The following CSMD1 variants were observed in gnomAD, a reference collection of about 807,000 sequenced individuals.
The protein encoded by CSMD1 is CUB and sushi domain-containing protein 1.
In CSMD1, 213 loss-of-function variants were observed where a neutral mutation model predicts 417.5. The observed-to-expected ratio is 0.51, with a 90% CI of 0.46 to 0.57. CSMD1 has a LOEUF of 0.57. Ranked by LOEUF, CSMD1 falls within the 20% of genes least tolerant of loss-of-function variation. The probability of loss-of-function intolerance (pLI) is 0.00; values close to 1 mark genes in which losing one functional copy is unlikely to be tolerated. For missense variants in CSMD1, 6,923 were observed against 4,529.7 expected (o/e 1.53, Z -15.17); for synonymous variants, 2,862 against 1,736.8 (o/e 1.65, Z -16.11).
At chr8:3,442,914 A>G (rs1204232740) in intron 12 of CSMD1, among the ~76,000 whole-genome samples, 2 of 151,750 alleles carry the variant, frequency 1.3e-5, no homozygotes, top group African/African-American at 4.8e-5. Context: ...TCCCCCATCT[A>G]TTTTCTGAGT....
rs191039329 is a variant in CSMD1, at chr8:4,945,429, T to A, written c.85+48903A>T. ...TATTATGTATATTTTTACCGCAATT[T>A]AAAAAAATACATCCCAGCATTTTGG... is the stretch of plus-strand genomic sequence containing the variant. On this transcript the variant is annotated intron_variant, in intron 1 of 69. Coordinates refer to ENST00000635120, the MANE Select transcript of CSMD1 (RefSeq NM_033225.6). 9.6e-4 allele frequency among the ~76,000 whole-genome samples: 145 copies of A among 151,688 alleles called. 2 individuals carry two copies. Among genetic ancestry groups the A allele is most frequent in the African/African-American group, 2.9e-3 (121 of 41,306 alleles).
At chr8:4,554,057 G>A (rs558328562) in intron 2 of CSMD1, among the ~76,000 whole-genome samples, 12 of 152,266 alleles carry the variant, frequency 7.9e-5, no homozygotes, top group East Asian at 7.7e-4. Context: ...CTGCTGTCTC[G>A]TCAGTACCAA....
chr8:3,625,805 A>C (rs1292572969), intron 7 of CSMD1, among the ~76,000 whole-genome samples: 1 of 152,148 alleles, frequency 6.6e-6, no homozygotes, highest in African/African-American at 2.4e-5. Flanking sequence ...TTTATTTTTA[A>C]CATCGCCTGC....
intron 18 of CSMD1, among the ~76,000 whole-genome samples, chr8:3,377,560 T>C (rs1810389917): frequency 1.3e-5 from 2 of 152,180 alleles, no homozygotes; most frequent in South Asian, 4.1e-4. Flanking sequence ...TGGCTCTTTT[T>C]GGTCTATTCC....
chr8:3,419,592 G>A (rs958841285), intron 12 of CSMD1, among the ~76,000 whole-genome samples: 4 of 152,112 alleles, frequency 2.6e-5, no homozygotes, highest in South Asian at 2.1e-4. Flanking sequence ...AAAATCCCAC[G>A]TCTGGCCAAT....
chr8:4,799,353 A>G (rs1798154153), intron 1 of CSMD1, among the ~76,000 whole-genome samples: 1 of 152,138 alleles, frequency 6.6e-6, no homozygotes, highest in Non-Finnish European at 1.5e-5. Context: ...TACAATGACG[A>G]GTAATTTTAG....
At chr8:3,419,197 T>G (rs1813335748) in intron 12 of CSMD1, among the ~76,000 whole-genome samples, 1 of 152,188 alleles carries the variant, frequency 6.6e-6, no homozygotes, top group Non-Finnish European at 1.5e-5. Context: ...AGTAACACAT[T>G]TCTGAGCACC....
At chr8:3,195,207 G>C (rs1265717912) in intron 33 of CSMD1, among the ~76,000 whole-genome samples, 1 of 152,150 alleles carries the variant, frequency 6.6e-6, no homozygotes, top group Non-Finnish European at 1.5e-5. Context: ...CAACATGAAG[G>C]TTTACTGAGA....
intron 25 of CSMD1, among the ~76,000 whole-genome samples, chr8:3,294,183 G>C (rs966080981): frequency 6.6e-6 from 1 of 152,134 alleles, no homozygotes; most frequent in Non-Finnish European, 1.5e-5. Flanking sequence ...TCATTCCTCT[G>C]GAAGTTTTGT....
intron 6 of CSMD1, among the ~76,000 whole-genome samples, chr8:3,743,043 C>G (rs1216954334): frequency 6.6e-6 from 1 of 152,192 alleles, no homozygotes. Flanking sequence ...TCTCACTTGA[C>G]CGCCATGGTC....
rs140298923 is a variant in CSMD1, at chr8:3,323,181, C to T, written c.3632-14678G>A. On this transcript the variant is annotated intron_variant, in intron 23 of 69. Coordinates refer to ENST00000635120, the MANE Select transcript of CSMD1 (RefSeq NM_033225.6). ...ATGTCCAATGGGCAACTTCTAACTT[C>T]GTGGGCATCTATAATCTATGGTTCA... 2.1e-3 allele frequency among the ~76,000 whole-genome samples: 315 copies of T among 152,300 alleles called. 1 individual carries two copies. Among genetic ancestry groups the T allele is most frequent in the African/African-American group, 7.0e-3 (290 of 41,552 alleles).
At chr8:3,536,574 T>G (rs185058690) in intron 10 of CSMD1, among the ~76,000 whole-genome samples, 97 of 152,318 alleles carry the variant, frequency 6.4e-4, no homozygotes, top group African/African-American at 2.3e-3. Context: ...AATTCAGTAC[T>G]TGGTAGTCAC....
intron 5 of CSMD1, among the ~76,000 whole-genome samples, chr8:3,931,656 T>C (rs899886479): frequency 6.7e-6 from 1 of 149,552 alleles, no homozygotes; most frequent in African/African-American, 2.5e-5. Flanking sequence ...TTTCACCTTG[T>C]ATAGTTCTAA....
chr8:3,238,411 G>A (rs144176356), intron 26 of CSMD1, among the ~76,000 whole-genome samples: 2 of 152,152 alleles, frequency 1.3e-5, no homozygotes, highest in African/African-American at 4.8e-5. Context: ...TGAAAGTCCT[G>A]TTTTCTTATA....
chr8:3,522,823 T>C (rs1206119106), intron 10 of CSMD1, among the ~76,000 whole-genome samples: 3 of 151,360 alleles, frequency 2.0e-5, no homozygotes, highest in Middle Eastern at 3.2e-3. Context: ...CGTATTTTAT[T>C]TGACATATAA....
At chr8:3,054,938 T>G (rs535830459) in intron 49 of CSMD1, among the ~76,000 whole-genome samples, 1 of 152,200 alleles carries the variant, frequency 6.6e-6, no homozygotes, top group African/African-American at 2.4e-5. Flanking sequence ...GACCCATCCT[T>G]TCTTTTCTGT....
At chr8:4,762,038 G>T (rs1472695070) in intron 1 of CSMD1, among the ~76,000 whole-genome samples, 1 of 151,816 alleles carries the variant, frequency 6.6e-6, no homozygotes, top group African/African-American at 2.4e-5. Context: ...TAAGACTCAG[G>T]ATACTGATTA....
intron 5 of CSMD1, among the ~76,000 whole-genome samples, chr8:3,985,236 T>A (rs1256532151): frequency 1.3e-5 from 2 of 152,174 alleles, no homozygotes; most frequent in African/African-American, 2.4e-5. Context: ...GGTTATAAAT[T>A]GAAGTCCCAT....
chr8:3,703,404 T>C (rs954926950), intron 7 of CSMD1, among the ~76,000 whole-genome samples: 62 of 57,288 alleles, frequency 1.1e-3, no homozygotes, highest in South Asian at 3.0e-3. Context: ...TATAGGGCTT[T>C]TGTTCCAAAG....
Sources: gnomAD v4.1 joint callset for allele counts (sites outside exome capture counted in the v4.1 genomes callset) on GRCh38, gnomAD v4.1.1 for gene constraint, MANE v1.5 for transcripts, NCBI Gene and HGNC (gene_info 2026-07-23, HGNC 2026-07-21) for gene names.